Variants in PTPRN2 observed in about 807,000 individuals in gnomAD.
The protein encoded by PTPRN2 is protein tyrosine phosphatase receptor type N2, also known as receptor-type tyrosine-protein phosphatase N2.
A neutral mutation model predicts 118.8 loss-of-function variants in PTPRN2; 74 were observed. That is an observed-to-expected ratio of 0.62 (90% CI 0.52 to 0.76). The LOEUF is 0.76. Ranked by LOEUF, PTPRN2 falls within the 30% of genes least tolerant of loss-of-function variation. PTPRN2 has a pLI of 0.00. For missense variants in PTPRN2, 1,481 were observed against 1,394.4 expected (o/e 1.06, Z -0.99); for synonymous variants, 641 against 608.0 (o/e 1.05, Z -0.80).
At chr7:157,907,783 C>T (rs186272124) in intron 11 of PTPRN2, among the ~76,000 whole-genome samples, 171 of 152,270 alleles carry the variant, frequency 1.1e-3, no homozygotes, top group African/African-American at 3.9e-3. Context: ...TTTCCACCCT[C>T]TTCTGCCCCC....
chr7:158,487,920 A>T (rs1821147757), intron 2 of PTPRN2, among the ~76,000 whole-genome samples: 1 of 152,134 alleles, frequency 6.6e-6, no homozygotes, highest in Non-Finnish European at 1.5e-5. Context: ...GAATATGTGT[A>T]TTTACATTTA....
rs190077650 is a variant in PTPRN2 at position 158,373,859 on chromosome 7, G to C, written c.164-56927C>G. ...GGGCGCCCTCTCTGGATGGGAGTGT[G>C]GGGAGGGCCCTCCCGTCTCTCTGCG... On this transcript the variant is annotated intron_variant, in intron 2 of 22. Transcript: ENST00000389418. 1.2e-3 allele frequency among the ~76,000 whole-genome samples: 190 copies of C among 152,348 alleles called. 1 individual carries two copies. The highest frequency in any genetic ancestry group is 4.3e-3 in the African/African-American group (179 of 41,586).
At chr7:158,468,018 C>G (rs1286761232) in intron 2 of PTPRN2, among the ~76,000 whole-genome samples, 1 of 152,070 alleles carries the variant, frequency 6.6e-6, no homozygotes, top group Non-Finnish European at 1.5e-5. Flanking sequence ...AAACAATGTG[C>G]ATAAAATCTC....
chr7:158,187,259 G>A (rs924232390), intron 5 of PTPRN2, among the ~76,000 whole-genome samples: 3 of 152,220 alleles, frequency 2.0e-5, no homozygotes, highest in African/African-American at 7.2e-5. Flanking sequence ...CAGCATGAAG[G>A]CCCTGAAAGG....
intron 11 of PTPRN2, among the ~76,000 whole-genome samples, chr7:158,074,783 A>C (rs1563398374): frequency 6.6e-6 from 1 of 152,200 alleles, no homozygotes; most frequent in East Asian, 1.9e-4. Flanking sequence ...GGAGGGGACA[A>C]GGCAGCACCC....
At chr7:158,459,230 C>G (rs1818764415) in intron 2 of PTPRN2, among the ~76,000 whole-genome samples, 1 of 37,126 alleles carries the variant, frequency 2.7e-5, no homozygotes, top group Non-Finnish European at 6.0e-5. Flanking sequence ...ACCACAACAC[C>G]CAGATGAGAA....
rs79082119 is a variant in PTPRN2 at position 157,825,531 on chromosome 7, C to A, written c.1788+73142G>T. The stretch of plus-strand genomic sequence containing the variant: ...TCCTGACTAATACACACGTGTTTGC[C>A]AGTGAACAGATTATCCTCTCAAAAG... On this transcript the variant is annotated intron_variant, in intron 12 of 22. Coordinates refer to ENST00000389418, the MANE Select transcript of PTPRN2 (RefSeq NM_002847.5). Among the ~76,000 whole-genome samples, 954 of 152,294 alleles carry A rather than the reference C, an allele frequency of 6.3e-3. 28 individuals are homozygous for A. Among genetic ancestry groups the A allele is most frequent in the East Asian group, 0.03 (157 of 5,180 alleles).
chr7:157,772,785 T>G (rs1337021054), intron 12 of PTPRN2, among the ~76,000 whole-genome samples: 1 of 152,238 alleles, frequency 6.6e-6, no homozygotes, highest in Non-Finnish European at 1.5e-5. Flanking sequence ...ACATTGAGTC[T>G]TTGGTCGCTT....
chr7:157,924,339 A>G (rs1798850801), intron 11 of PTPRN2, among the ~76,000 whole-genome samples: 1 of 152,152 alleles, frequency 6.6e-6, no homozygotes, highest in South Asian at 2.1e-4. Flanking sequence ...AAAGCTGAGG[A>G]CGCCCCCTCT....
chr7:158,530,059 A>T (rs1431266358), intron 1 of PTPRN2, among the ~76,000 whole-genome samples: 1 of 152,202 alleles, frequency 6.6e-6, no homozygotes, highest in Non-Finnish European at 1.5e-5. Context: ...ACCAAGAGGG[A>T]AAACAGAGAG....
intron 2 of PTPRN2, among the ~76,000 whole-genome samples, chr7:158,467,625 C>T (rs879897934): frequency 2.6e-5 from 4 of 152,040 alleles, no homozygotes; most frequent in Non-Finnish European, 5.9e-5. Flanking sequence ...TTTTTGAGAA[C>T]GGTGTAAGGT....
At chr7:158,299,088 G>A (rs192515882) in intron 3 of PTPRN2, among the ~76,000 whole-genome samples, 3 of 152,290 alleles carry the variant, frequency 2.0e-5, no homozygotes, top group East Asian at 3.9e-4. Flanking sequence ...GCAGTCTGGT[G>A]AGCGATGATG....
At chr7:158,275,131 C>G (rs777146479) in intron 3 of PTPRN2, among the ~76,000 whole-genome samples, 7 of 152,148 alleles carry the variant, frequency 4.6e-5, no homozygotes, top group Non-Finnish European at 8.8e-5. Context: ...CGAGGAGCCC[C>G]GGGGAAGAGC....
At chr7:157,696,459 A>G (rs868466231) in intron 12 of PTPRN2, among the ~76,000 whole-genome samples, 2 of 141,942 alleles carry the variant, frequency 1.4e-5, no homozygotes, top group South Asian at 2.4e-4. Context: ...TAGAGCCCTC[A>G]CCATCTACCC....
intron 12 of PTPRN2, among the ~76,000 whole-genome samples, chr7:157,875,605 A>C (rs1448422676): frequency 6.6e-6 from 1 of 152,228 alleles, no homozygotes; most frequent in African/African-American, 2.4e-5. Context: ...CTCTTCTTGC[A>C]GCCCTGATTG....
At chr7:157,561,694 G>C (rs184209009) in intron 21 of PTPRN2, among the ~76,000 whole-genome samples, 1 of 152,370 alleles carries the variant, frequency 6.6e-6, no homozygotes, top group Non-Finnish European at 1.5e-5. Context: ...AAAGCTTTCT[G>C]TGGGTCCTCC....
rs1405109576 is a variant in PTPRN2 at position 157,560,487 on chromosome 7, C to T, written c.2902+8415G>A. The stretch of plus-strand genomic sequence containing the variant: ...CACGCCCCCGGACCACTGCTCCAAC[C>T]AGCGTTCGTCGTCAGCCCCTTACAC... On this transcript the variant is annotated intron_variant, in intron 21 of 22. Transcript: ENST00000389418. The surrounding 1 kb of genome is among the most constrained non-coding windows in gnomAD (Gnocchi z 6.7). Among the ~76,000 whole-genome samples, 1 of 152,186 alleles carries T rather than the reference C, an allele frequency of 6.6e-6. No individual in the cohort carries two copies. The highest frequency in any genetic ancestry group is 1.5e-5 in the Non-Finnish European group (1 of 68,030).
intron 6 of PTPRN2, among the ~76,000 whole-genome samples, chr7:158,154,939 G>C (rs1821566324): frequency 6.6e-6 from 1 of 152,218 alleles, no homozygotes; most frequent in South Asian, 2.1e-4. Flanking sequence ...AAATGAGGAA[G>C]TATGTTTTGC....
chr7:157,810,271 C>T (rs778407740), intron 12 of PTPRN2, among the ~76,000 whole-genome samples: 10 of 152,262 alleles, frequency 6.6e-5, no homozygotes, highest in Non-Finnish European at 1.2e-4. Context: ...CACCATCCCC[C>T]GTGATCCCAA....
Sources: gnomAD v4.1 joint callset for allele counts (sites outside exome capture counted in the v4.1 genomes callset) on GRCh38, gnomAD v4.1.1 for gene constraint, Gnocchi (gnomAD v3.1) non-coding constraint, MANE v1.5 for transcripts, NCBI Gene and HGNC (gene_info 2026-07-23, HGNC 2026-07-21) for gene names.